Variants in CAPN9 observed in about 807,000 individuals in gnomAD.
CAPN9 encodes the protein calpain-9.
In CAPN9, 81 loss-of-function variants were observed where a neutral mutation model predicts 92.8. That is an observed-to-expected ratio of 0.87 (90% confidence interval 0.73 to 1.05). CAPN9 has a LOEUF of 1.05. Among genes scored for constraint, CAPN9 ranks in the 50% least tolerant of loss-of-function variants. The pLI is 0.00. For synonymous variants in CAPN9, 304 were observed against 328.0 expected, an observed-to-expected ratio of 0.93 and a Z score of 0.79; for missense variants, 848 against 866.2, an observed-to-expected ratio of 0.98 and a Z score of 0.26.
intron 1 of CAPN9, among the ~76,000 whole-genome samples, chr1:230,750,988 C>G (rs752433265): frequency 3.3e-5 from 5 of 152,188 alleles, no homozygotes; most frequent in Non-Finnish European, 7.3e-5. Context: ...TGAGGTCTCC[C>G]AGCCTGATGG....
intron 19 of CAPN9, among the ~76,000 whole-genome samples, chr1:230,800,232 A>AAGAG (rs1312070571): frequency 1.0e-4 from 1 of 9,532 alleles, no homozygotes; most frequent in Admixed American, 1.2e-3. Flanking sequence ...AGAAAGAAAG[A>AAGAG]AGAAAGAAAG....
At chr1:230,748,031 C>T (rs1664538785) in intron 1 of CAPN9, among the ~76,000 whole-genome samples, 1 of 152,162 alleles carries the variant, frequency 6.6e-6, no homozygotes, top group Non-Finnish European at 1.5e-5. Flanking sequence ...ACCTTATCCA[C>T]AAGGACAGGC....
rs1453812741 is a variant in CAPN9, at chr1:230,751,641, AAG to A, written c.214-3694_214-3693del. Among the ~76,000 whole-genome samples, 61 of 95,786 alleles carry A rather than the reference AAG, an allele frequency of 6.4e-4. 3 individuals are homozygous for A. Among genetic ancestry groups the A allele is most frequent in the South Asian group, 2.8e-3 (9 of 3,194 alleles). 62.8% of individuals were successfully genotyped at this position (95,786 alleles called of 152,430 possible). A position where few individuals can be genotyped will look rare whatever the true frequency, so the allele number is the denominator to read the frequency against. On this transcript the variant is annotated intron_variant, in intron 1 of 19. Transcript: ENST00000271971. ...AAAGAAAGAAAGAAAGAAAGAAAGAAAGAAAGAAAGAAAGAAAGAAAGAAAGA... is the reference window on the plus strand; with the variant it reads ...AAAGAAAGAAAGAAAGAAAGAAAGAAAAAGAAAGAAAGAAAGAAAGAAAGA...
In CAPN9 at chr1:230,780,650, C is replaced by A. The variant is rs746911125; in HGVS notation, c.1423C>A (p.Pro475Thr). ...EYILIPSTFE[P>T]HQEADFCLRI... ...CATCCTGATTCCCAGCACTTTTGAGCCCCACCAGGAAGCTGATTTCTGTCT... is the reference window on the plus strand; with the variant it reads ...CATCCTGATTCCCAGCACTTTTGAGACCCACCAGGAAGCTGATTTCTGTCT... Residue 475 changes from proline to threonine, a missense_variant, in exon 11 of 20, where the codon CCC becomes ACC. Physicochemically the swap from Pro to Thr is conservative, Grantham distance 38. Transcript: ENST00000271971. The A allele has an allele frequency of 1.2e-6, 2 of 1,614,078 alleles. No individual in the cohort carries two copies. Among genetic ancestry groups the A allele is most frequent in the East Asian group, 4.5e-5 (2 of 44,882 alleles).
intron 4 of CAPN9, 71 bp downstream of exon 4, chr1:230,762,857 T>A: frequency 6.8e-7 from 1 of 1,469,514 alleles, no homozygotes; most frequent in Non-Finnish European, 9.1e-7. Context: ...GTAGTGAGCA[T>A]CTAAGGGCTG....
intron 5 of CAPN9, 47 bp from the exon 6 acceptor site, chr1:230,769,133 G>A: frequency 6.7e-7 from 1 of 1,483,956 alleles, no homozygotes; most frequent in Non-Finnish European, 9.4e-7. Flanking sequence ...CAGCAGGGGA[G>A]GCTTGACTTA....
chr1:230,780,063 G>A (rs1667097788), intron 9 of CAPN9, 116 bp from the exon 10 acceptor site: 1 of 750,498 alleles, frequency 1.3e-6, no homozygotes, highest in Non-Finnish European at 2.1e-6. Context: ...ATATAATGAG[G>A]GCAGATAGGT....
At chr1:230,784,458 C>T (rs1667441452) in intron 11 of CAPN9, among the ~76,000 whole-genome samples, 1 of 152,384 alleles carries the variant, frequency 6.6e-6, no homozygotes, top group Non-Finnish European at 1.5e-5. Flanking sequence ...GGCCTAGGGC[C>T]CCACTGCTCT....
chr1:230,795,552 T>C, intron 18 of CAPN9: 1 of 369,474 alleles, frequency 2.7e-6, no homozygotes, highest in Non-Finnish European at 5.1e-6. Flanking sequence ...GTGCCTTGTG[T>C]TTGAGGAAAG....
intron 6 of CAPN9, among the ~76,000 whole-genome samples, chr1:230,769,618 TATCTATCTATCTATC>T (rs1666250381): frequency 1.8e-4 from 1 of 5,454 alleles, no homozygotes; most frequent in Non-Finnish European, 3.1e-4. Flanking sequence ...CACACACACC[TATCTATCTATCTATC>T]TATCTATCTA....
intron 9 of CAPN9, 88 bp downstream of exon 9, chr1:230,779,221 G>A (rs1667044911): frequency 8.0e-7 from 1 of 1,247,464 alleles, no homozygotes; most frequent in Non-Finnish European, 1.1e-6. Flanking sequence ...GGTCCTCAGA[G>A]AAAGCCTGAA....
intron 14 of CAPN9, 111 bp from the exon 15 acceptor site, chr1:230,791,753 T>C (rs1227304032): frequency 6.6e-6 from 5 of 756,090 alleles, no homozygotes; most frequent in Non-Finnish European, 9.3e-6. Context: ...AGTAGCCACA[T>C]CACAGCCCCC....
chr1:230,778,180 T>C (rs989983930), intron 8 of CAPN9, among the ~76,000 whole-genome samples: 4 of 152,166 alleles, frequency 2.6e-5, no homozygotes. Flanking sequence ...AACATCCTGA[T>C]TCCTTTCATT....
chr1:230,799,153 A>G (rs1668529136), intron 19 of CAPN9, among the ~76,000 whole-genome samples: 1 of 152,120 alleles, frequency 6.6e-6, no homozygotes, highest in African/African-American at 2.4e-5. Context: ...ACTCACAGTC[A>G]CAGCCAGCTC....
chr1:230,787,094 A>G (rs1436498899), intron 12 of CAPN9, among the ~76,000 whole-genome samples: 1 of 152,222 alleles, frequency 6.6e-6, no homozygotes, highest in East Asian at 1.9e-4. Flanking sequence ...AGCTCTTTCT[A>G]TATACCAAGC....
chr1:230,798,736 T>C (rs1197322603), intron 19 of CAPN9, among the ~76,000 whole-genome samples: 3 of 151,100 alleles, frequency 2.0e-5, no homozygotes, highest in Non-Finnish European at 2.9e-5. Flanking sequence ...TTCCAGGGGG[T>C]TTCAATCACC....
At chr1:230,800,600 A>G (rs1341787971) in intron 19 of CAPN9, among the ~76,000 whole-genome samples, 2 of 152,142 alleles carry the variant, frequency 1.3e-5, no homozygotes, top group Non-Finnish European at 2.9e-5. Context: ...CCTGCCCCAT[A>G]TCATCACCCT....
chr1:230,789,167 G>A (rs1355917542), intron 13 of CAPN9, among the ~76,000 whole-genome samples: 3 of 152,028 alleles, frequency 2.0e-5, no homozygotes, highest in South Asian at 2.1e-4. Context: ...CACGGCTAGC[G>A]CAAAACCCTG....
chr1:230,782,663 C>A (rs1469019324), intron 11 of CAPN9, among the ~76,000 whole-genome samples: 1 of 152,158 alleles, frequency 6.6e-6, no homozygotes, highest in Non-Finnish European at 1.5e-5. Flanking sequence ...CCAACCCCAC[C>A]AGTGGAATCA....
Sources: allele counts gnomAD v4.1 joint callset (sites outside exome capture counted in the v4.1 genomes callset), GRCh38; gene constraint gnomAD v4.1.1; transcripts MANE v1.5; gene names NCBI Gene and HGNC (gene_info 2026-07-23, HGNC 2026-07-21).